Variants in BACH2 observed in about 807,000 individuals in gnomAD.
BACH2 encodes transcription regulator protein BACH2.
Under a neutral mutation model 61.8 loss-of-function variants are expected in BACH2, and 5 were observed. That is an observed-to-expected ratio of 0.08 (90% CI 0.04 to 0.17). BACH2 has a LOEUF of 0.17. BACH2 is among the 10% of genes least tolerant of loss of function. The pLI, the probability that BACH2 is intolerant of heterozygous loss-of-function variation, is 1.00. For synonymous variants in BACH2, 446 were observed against 440.1 expected (o/e 1.01, Z -0.17); for missense variants, 824 against 1,091.1 (o/e 0.76, Z 3.45).
At chr6:90,040,891 G>A (rs1167690380) in intron 5 of BACH2, among the ~76,000 whole-genome samples, 1 of 152,048 alleles carries the variant, frequency 6.6e-6, no homozygotes, top group African/African-American at 2.4e-5. Flanking sequence ...TCACATATAT[G>A]AAGAATGTTT....
chr6:90,202,305 A>C (rs1051963030), intron 4 of BACH2, among the ~76,000 whole-genome samples: 2 of 152,204 alleles, frequency 1.3e-5, no homozygotes, highest in African/African-American at 4.8e-5. Flanking sequence ...CTCCAAATGA[A>C]GGTAGAAACT....
intron 5 of BACH2, among the ~76,000 whole-genome samples, chr6:90,073,152 C>T (rs1037418735): frequency 3.3e-5 from 5 of 152,200 alleles, no homozygotes; most frequent in African/African-American, 1.2e-4. Flanking sequence ...GTACCAATGG[C>T]GTATTCTTGC....
chr6:90,035,932 G>C (rs1779239393), intron 5 of BACH2, among the ~76,000 whole-genome samples: 2 of 151,688 alleles, frequency 1.3e-5, no homozygotes, highest in African/African-American at 4.8e-5. Flanking sequence ...AGGAGAAGGG[G>C]CATGATGAGC....
At chr6:90,055,444 A>G (rs982151011) in intron 5 of BACH2, among the ~76,000 whole-genome samples, 31 of 152,130 alleles carry the variant, frequency 2.0e-4, no homozygotes, top group African/African-American at 7.5e-4. Flanking sequence ...AAAGAAACGA[A>G]CAAAGCCTTC....
intron 1 of BACH2, among the ~76,000 whole-genome samples, chr6:90,295,447 C>G (rs1772314251): frequency 6.6e-6 from 1 of 152,104 alleles, no homozygotes; most frequent in Admixed American, 6.5e-5. Flanking sequence ...GATGCTCGCT[C>G]CAGTCTCTCC....
rs112619686 is a variant in BACH2 at position 89,949,871 on chromosome 6, C to T, written c.1836+399G>A. ...ATCTGGAAAGAGATTCTATATCTTC[C>T]TTTACGCTGAACGGGTGAAGGGCAA... On this transcript the variant is annotated intron_variant, in intron 7 of 8. Transcript: ENST00000257749. Among the ~76,000 whole-genome samples the T allele has an allele frequency of 4.9e-3, 743 of 152,088 alleles. 7 individuals are homozygous for T. The highest frequency in any genetic ancestry group is 0.017 in the African/African-American group (713 of 41,446).
At chr6:89,993,228 C>T (rs189838693) in intron 6 of BACH2, among the ~76,000 whole-genome samples, 3 of 152,222 alleles carry the variant, frequency 2.0e-5, no homozygotes, top group Non-Finnish European at 4.4e-5. Flanking sequence ...TAATAATATA[C>T]ATGTATTAGA....
intron 5 of BACH2, among the ~76,000 whole-genome samples, chr6:90,058,015 C>T (rs1249148498): frequency 6.6e-6 from 1 of 152,218 alleles, no homozygotes; most frequent in African/African-American, 2.4e-5. Context: ...CAGCCAATAT[C>T]ATACTGAATG....
rs759753965 is a variant in BACH2, at chr6:90,196,821, T to G, written c.-162+9748A>C. ...CCACTTTATTAAAGTTTGAGAGTGGTAAGAAATTACAAAACTATTCCATTA... is the reference window on the plus strand; with the variant it reads ...CCACTTTATTAAAGTTTGAGAGTGGGAAGAAATTACAAAACTATTCCATTA... On this transcript the variant is annotated intron_variant, in intron 4 of 8. Coordinates refer to ENST00000257749, the MANE Select transcript of BACH2 (RefSeq NM_021813.4). Among the ~76,000 whole-genome samples the G allele has an allele frequency of 1.2e-4, 19 of 152,054 alleles. 1 individual carries two copies. Among genetic ancestry groups the G allele is most frequent in the Non-Finnish European group, 1.9e-4 (13 of 67,990 alleles).
At chr6:90,145,456 T>C (rs1204913292) in intron 4 of BACH2, among the ~76,000 whole-genome samples, 2 of 152,148 alleles carry the variant, frequency 1.3e-5, no homozygotes, top group Non-Finnish European at 2.9e-5. Flanking sequence ...TGCAAGTGAA[T>C]AGAAAAAGTG....
chr6:90,039,999 CA>C (rs1435579528), intron 5 of BACH2, among the ~76,000 whole-genome samples: 1 of 146,550 alleles, frequency 6.8e-6, no homozygotes, highest in Admixed American at 6.8e-5. Flanking sequence ...AGATGAGTTG[CA>C]AAAATATTTT....
intron 4 of BACH2, among the ~76,000 whole-genome samples, chr6:90,112,016 A>C (rs796854104): frequency 5.3e-5 from 8 of 152,346 alleles, no homozygotes; most frequent in African/African-American, 1.9e-4. Flanking sequence ...ACAACTTGTA[A>C]TTCTCCGTCA....
intron 5 of BACH2, among the ~76,000 whole-genome samples, chr6:90,054,055 G>A (rs898214256): frequency 1.3e-5 from 2 of 152,230 alleles, no homozygotes; most frequent in Non-Finnish European, 1.5e-5. Flanking sequence ...CAGAAGATGG[G>A]TGATTTCTGC....
intron 7 of BACH2, among the ~76,000 whole-genome samples, chr6:89,938,920 T>G (rs1034556259): frequency 6.6e-6 from 1 of 152,204 alleles, no homozygotes; most frequent in Non-Finnish European, 1.5e-5. Context: ...TCACCAGACA[T>G]GAGACCTCAG....
rs554517124 is a variant in BACH2, at chr6:89,927,502, C to G, written c.*4906G>C. On this transcript the variant is annotated 3_prime_UTR_variant, in exon 9 of 9. Coordinates refer to ENST00000257749, the MANE Select transcript of BACH2 (RefSeq NM_021813.4). ...CTGAAATGAATGGTCTTGGTGCACA[C>G]TTCTGCTTCTAAGAAGGGCCAGTGT... 2.9e-4 allele frequency: 45 copies of G among 152,890 alleles called. No homozygotes were observed. Among genetic ancestry groups the G allele is most frequent in the African/African-American group, 1.1e-3 (44 of 41,568 alleles). 9.5% of individuals were successfully genotyped at this position (152,890 alleles called of 1,614,324 possible).
At chr6:90,106,283 C>T (rs1289226353) in intron 4 of BACH2, among the ~76,000 whole-genome samples, 2 of 152,184 alleles carry the variant, frequency 1.3e-5, no homozygotes, top group Admixed American at 6.5e-5. Context: ...AGCAAACTTA[C>T]ACTTTCCATG....
chr6:90,051,617 C>T lies in BACH2; in HGVS notation c.-13+37344G>A, dbSNP rs139022352. 2.2e-3 allele frequency among the ~76,000 whole-genome samples: 330 copies of T among 152,286 alleles called. 11 individuals carry two copies. The South Asian group carries it at 0.048, about 22-fold the overall frequency. Reference sequence around the variant, plus strand: ...CTCCATTCACAGAACCAACTTTTGGCTCTGTTGATACCCTACATAGTATTT... The same window carrying T: ...CTCCATTCACAGAACCAACTTTTGGTTCTGTTGATACCCTACATAGTATTT... On this transcript the variant is annotated intron_variant, in intron 5 of 8. Coordinates refer to ENST00000257749, the MANE Select transcript of BACH2 (RefSeq NM_021813.4).
chr6:90,130,805 G>A (rs1297670898), intron 4 of BACH2, among the ~76,000 whole-genome samples: 2 of 152,196 alleles, frequency 1.3e-5, no homozygotes, highest in African/African-American at 4.8e-5. Context: ...AAATCTGAAG[G>A]CAAACAATCT....
intron 4 of BACH2, among the ~76,000 whole-genome samples, chr6:90,147,553 C>T (rs904233557): frequency 6.6e-6 from 1 of 152,112 alleles, no homozygotes; most frequent in East Asian, 1.9e-4. Flanking sequence ...AGGAGCAAGG[C>T]CAACCCACCT....
Sources: allele counts gnomAD v4.1 joint callset (sites outside exome capture counted in the v4.1 genomes callset), GRCh38; gene constraint gnomAD v4.1.1; transcripts MANE v1.5; gene names NCBI Gene and HGNC (gene_info 2026-07-23, HGNC 2026-07-21).